KPNA1: variants seen among roughly 807,000 people sequenced by gnomAD.
KPNA1 encodes importin subunit alpha-5.
A neutral mutation model predicts 70.5 loss-of-function variants in KPNA1; 10 were observed. The observed-to-expected ratio is 0.14, with a 90% CI of 0.09 to 0.24. The LOEUF (loss-of-function observed/expected upper bound fraction) is 0.24, where lower values mean the gene tolerates loss of function less well. KPNA1 is among the 10% of genes least tolerant of loss of function. The pLI, the probability that KPNA1 is intolerant of heterozygous loss-of-function variation, is 1.00. For missense variants in KPNA1, 397 were observed against 637.9 expected, an observed-to-expected ratio of 0.62 and a Z score of 4.07; for synonymous variants, 192 against 221.9, an observed-to-expected ratio of 0.87 and a Z score of 1.20.
chr3:122,479,031 G>A (rs2076539549), intron 2 of KPNA1, among the ~76,000 whole-genome samples: 1 of 151,046 alleles, frequency 6.6e-6, no homozygotes, highest in South Asian at 2.1e-4. Context: ...TAACTGATAA[G>A]CTCAACTTCG....
chr3:122,476,287 A>T (rs2076496738), intron 2 of KPNA1, among the ~76,000 whole-genome samples: 1 of 152,222 alleles, frequency 6.6e-6, no homozygotes, highest in African/African-American at 2.4e-5. Context: ...ACAAAAATTA[A>T]TTCAATATGC....
chr3:122,505,102 G>C (rs946952161), intron 1 of KPNA1, among the ~76,000 whole-genome samples: 3 of 151,734 alleles, frequency 2.0e-5, no homozygotes, highest in African/African-American at 7.3e-5. Flanking sequence ...TCAGGAGTTC[G>C]AGACCAGCCT....
chr3:122,442,185 A>T (rs1170178483), intron 9 of KPNA1, 69 bp from the exon 10 acceptor site: 1 of 1,285,542 alleles, frequency 7.8e-7, no homozygotes, highest in Non-Finnish European at 1.1e-6. Context: ...CCAAGACCAA[A>T]ATTAAAAAAC....
Position 122,422,751 on chromosome 3 carries a change from A to T in KPNA1, c.*4234T>A, listed in dbSNP as rs2075776718. On this transcript the variant is annotated 3_prime_UTR_variant, in exon 14 of 14. Transcript: ENST00000344337. ...AATATAGTGACAATTATCAAAGAACATTTGGAAGACTACATGAGAAAAAAG... is the reference window on the plus strand; with the variant it reads ...AATATAGTGACAATTATCAAAGAACTTTTGGAAGACTACATGAGAAAAAAG... The T allele has an allele frequency of 6.6e-6, 1 of 152,342 alleles. No individual in the cohort carries two copies. Among genetic ancestry groups the T allele is most frequent in the South Asian group, 2.1e-4 (1 of 4,824 alleles). The allele number at this position is 152,342 out of a possible 1,614,324, so 9.4% of individuals were successfully genotyped here.
In KPNA1 at chr3:122,514,801, C is replaced by CCTCG. The variant is rs1054369178; in HGVS notation, c.-54_-51dup. 2 of 153,004 alleles carry CCTCG rather than the reference C, an allele frequency of 1.3e-5. No individual in the cohort carries two copies. Among genetic ancestry groups the CCTCG allele is most frequent in the South Asian group, 2.1e-4 (1 of 4,848 alleles). The allele number at this position is 153,004 out of a possible 1,614,324, so 9.5% of individuals were successfully genotyped here. ...CCCGGTGCCACCGCTGAAGTTAGCC[C>CCTCG]CTCGCTCGCCCGCCCGCCGTGCCAC... On this transcript the variant is annotated 5_prime_UTR_variant, in exon 1 of 14. Transcript: ENST00000344337.
At chr3:122,484,325 T>C (rs1220688396) in intron 2 of KPNA1, among the ~76,000 whole-genome samples, 2 of 152,182 alleles carry the variant, frequency 1.3e-5, no homozygotes, top group Non-Finnish European at 2.9e-5. Context: ...CTGAAATGTC[T>C]GTATACTAAT....
intron 2 of KPNA1, among the ~76,000 whole-genome samples, chr3:122,479,734 T>C (rs998631590): frequency 3.9e-5 from 6 of 152,132 alleles, no homozygotes; most frequent in Non-Finnish European, 8.8e-5. Flanking sequence ...CACTCTAGCC[T>C]AGGCGACAGA....
chr3:122,504,040 C>A (rs576475843), intron 1 of KPNA1, among the ~76,000 whole-genome samples: 10 of 152,306 alleles, frequency 6.6e-5, no homozygotes, highest in Admixed American at 5.2e-4. Context: ...TGCTATTACA[C>A]ATTTGTCAAA....
chr3:122,451,471 A>AAT, intron 8 of KPNA1, 63 bp downstream of exon 8: 1 of 810,850 alleles, frequency 1.2e-6, no homozygotes. Context: ...TCACCTTACC[A>AAT]TTGGTTGCAA....
intron 12 of KPNA1, among the ~76,000 whole-genome samples, chr3:122,430,463 T>C (rs1263879436): frequency 6.6e-6 from 1 of 151,494 alleles, no homozygotes; most frequent in African/African-American, 2.4e-5. Flanking sequence ...AAGTCAAAGT[T>C]TCCTGGAACC....
At chr3:122,474,607 G>A (rs1461147034) in intron 2 of KPNA1, among the ~76,000 whole-genome samples, 1 of 152,024 alleles carries the variant, frequency 6.6e-6, no homozygotes, top group African/African-American at 2.4e-5. Context: ...AACGGTGCTG[G>A]AGTTCAACGA....
chr3:122,428,978 A>G (rs2075861389), intron 12 of KPNA1, among the ~76,000 whole-genome samples: 1 of 152,214 alleles, frequency 6.6e-6, no homozygotes, highest in African/African-American at 2.4e-5. Flanking sequence ...ATCCTCAACA[A>G]AACATTATCA....
chr3:122,492,850 T>C (rs2076715396), intron 2 of KPNA1, among the ~76,000 whole-genome samples: 2 of 152,236 alleles, frequency 1.3e-5, no homozygotes, highest in Non-Finnish European at 2.9e-5. Flanking sequence ...CACACTGAAC[T>C]GCTGTAACCA....
At chr3:122,508,132 T>C (rs1387859534) in intron 1 of KPNA1, among the ~76,000 whole-genome samples, 2 of 151,992 alleles carry the variant, frequency 1.3e-5, no homozygotes, top group South Asian at 2.1e-4. Context: ...ATAAAGAAAT[T>C]TTTTTTTCAA....
rs2075796221 is a variant in KPNA1 at position 122,424,469 on chromosome 3, A to G, written c.*2516T>C. ...TTCCAACTTTGATACTTTAAGAAAA[A>G]ATCATTTTATTGTTAAAAAAGAAAA... is the stretch of plus-strand genomic sequence containing the variant. On this transcript the variant is annotated 3_prime_UTR_variant, in exon 14 of 14. Transcript: ENST00000344337. 2.0e-5 allele frequency: 3 copies of G among 152,300 alleles called. No individual in the cohort carries two copies. In the South Asian group the frequency reaches 6.2e-4, roughly 32 times the overall value. The allele number at this position is 152,300 out of a possible 1,614,324, so 9.4% of individuals were successfully genotyped here.
intron 6 of KPNA1, among the ~76,000 whole-genome samples, chr3:122,452,537 G>A (rs2076214565): frequency 1.2e-4 from 5 of 42,504 alleles, no homozygotes; most frequent in African/African-American, 2.3e-4. Flanking sequence ...AAGGAGGGAA[G>A]GAGGGAAGGA....
intron 2 of KPNA1, among the ~76,000 whole-genome samples, chr3:122,480,738 G>C (rs990795343): frequency 1.3e-5 from 2 of 152,066 alleles, no homozygotes; most frequent in African/African-American, 4.8e-5. Context: ...TGCAACCCTA[G>C]TGCTTTGGGA....
intron 12 of KPNA1, chr3:122,432,515 C>G (rs1424662304): frequency 1.3e-5 from 2 of 152,148 alleles, no homozygotes; most frequent in Non-Finnish European, 2.9e-5. Context: ...GTCCACAAAG[C>G]AACAATGTAA....
At chr3:122,450,304 G>A (rs1004069586) in intron 8 of KPNA1, among the ~76,000 whole-genome samples, 3 of 152,170 alleles carry the variant, frequency 2.0e-5, no homozygotes, top group African/African-American at 7.2e-5. Context: ...AAATGCAGCT[G>A]GGCGTGGTGG....
Sources: gnomAD v4.1 joint callset for allele counts (sites outside exome capture counted in the v4.1 genomes callset) on GRCh38, gnomAD v4.1.1 for gene constraint, MANE v1.5 for transcripts, NCBI Gene and HGNC (gene_info 2026-07-23, HGNC 2026-07-21) for gene names.